Variants in FBXO7 observed in about 807,000 individuals in gnomAD.
FBXO7 encodes the protein F-box only protein 7.
FBXO7 carries 31 observed loss-of-function variants against 50.2 expected under a neutral mutation model. That is an observed-to-expected ratio of 0.62 (90% CI 0.46 to 0.83). The LOEUF (loss-of-function observed/expected upper bound fraction) is 0.83, where lower values mean the gene tolerates loss of function less well. Ranked by LOEUF, FBXO7 falls within the 40% of genes least tolerant of loss-of-function variation. The pLI, the probability that FBXO7 is intolerant of heterozygous loss-of-function variation, is 0.00. For synonymous variants in FBXO7, 256 were observed against 253.1 expected (o/e 1.01, Z -0.11); for missense variants, 667 against 646.6 (o/e 1.03, Z -0.34).
rs201039285 is a variant in FBXO7, at chr22:32,479,170, C to T, written c.312C>T (p.Pro104=). 1 of 1,614,082 alleles carries T rather than the reference C, an allele frequency of 6.2e-7. No homozygotes were observed. Among genetic ancestry groups the T allele is most frequent in the African/African-American group, 1.3e-5 (1 of 74,992 alleles). The change falls in exon 2 of 9, where the codon CCC becomes CCT. Residue 104 remains proline, a synonymous_variant. Transcript: ENST00000266087. ...EHSSLQNNEQ[P]SLATSSNQTS... is the part of the protein sequence containing the mutation. Reference sequence around the variant, plus strand: ...CTTCACTCCAGAATAATGAGCAACCCTCTTTGGCCACCAGCTCCAATCAGA... The same window carrying T: ...CTTCACTCCAGAATAATGAGCAACCTTCTTTGGCCACCAGCTCCAATCAGA...
rs575579221 is a variant in FBXO7, at chr22:32,485,038, T to C, written c.646-30T>C. On this transcript the variant is annotated intron_variant, in intron 3 of 8. Transcript: ENST00000266087. ...TTTTGAGAGTAACACCTTTCTTCAT[T>C]ATTTGTTTCCCTTTCATTTCGTTCC... 6.8e-6 allele frequency: 11 copies of C among 1,613,918 alleles called. No individual in the cohort carries two copies. The East Asian group carries it at 1.8e-4, about 26-fold the overall frequency.
At chr22:32,484,272 A>G (rs2057484470) in intron 3 of FBXO7, 148 bp downstream of exon 3, 4 of 719,006 alleles carry the variant, frequency 5.6e-6, no homozygotes, top group African/African-American at 3.5e-5. Flanking sequence ...TGGGAGAAAC[A>G]TACTCATATA....
At chr22:32,482,641 T>C (rs1282559802) in intron 2 of FBXO7, among the ~76,000 whole-genome samples, 1 of 152,164 alleles carries the variant, frequency 6.6e-6, no homozygotes, top group Non-Finnish European at 1.5e-5. Flanking sequence ...AATTATAGGA[T>C]CTATAAAAAG....
In FBXO7 at chr22:32,493,097, C is replaced by A; in HGVS notation, c.968-8C>A. The A allele has an allele frequency of 1.2e-6, 2 of 1,612,598 alleles. No homozygotes were observed. Among genetic ancestry groups the A allele is most frequent in the Non-Finnish European group, 1.7e-6 (2 of 1,179,292 alleles). On this transcript the variant is annotated splice_polypyrimidine_tract_variant and splice_region_variant and intron_variant, in intron 6 of 8. Coordinates refer to ENST00000266087, the MANE Select transcript of FBXO7 (RefSeq NM_012179.4). Reference sequence around the variant, plus strand: ...TAATACCTGTTACTTCTCTTTTTTTCCTTTTAGCACTGAACCTACCAGATG... The same window carrying A: ...TAATACCTGTTACTTCTCTTTTTTTACTTTTAGCACTGAACCTACCAGATG...
intron 4 of FBXO7, among the ~76,000 whole-genome samples, chr22:32,486,039 T>C (rs1309969136): frequency 1.3e-5 from 2 of 152,202 alleles, no homozygotes; most frequent in Non-Finnish European, 2.9e-5. Context: ...CTTTTTCGTT[T>C]AGCAAAGGCA....
Position 32,475,051 on chromosome 22 carries a change from C to G in FBXO7, c.49C>G (p.Pro17Ala), listed in dbSNP as rs886057420. 5.2e-6 allele frequency: 8 copies of G among 1,544,820 alleles called. 1 individual carries two copies. Among genetic ancestry groups the G allele is most frequent in the Non-Finnish European group, 3.5e-6 (4 of 1,146,026 alleles). ...GAAGCGGACCTGGCCGCTGGAGGTG[C>G]CCGAGACGGAGCCGACGCTGGGGCA... ...LLKRTWPLEV[P>A]ETEPTLGHLR... is the part of the protein sequence containing the mutation. Residue 17 changes from proline to alanine, a missense_variant, in exon 1 of 9, where the codon CCC (proline) becomes GCC (alanine). Coordinates refer to ENST00000266087, the MANE Select transcript of FBXO7 (RefSeq NM_012179.4).
In FBXO7 at chr22:32,493,226, T is replaced by C. The variant is rs1250777790; in HGVS notation, c.1089T>C (p.Phe363=). ...LSLSAVCRDL[F]TASNDPLLWR... ...TGTCTGCGGTTTGTCGTGACCTCTT[T>C]ACTGCTTCAAATGACCCACTCCTGT... is the stretch of plus-strand genomic sequence containing the variant. The change falls in exon 7 of 9, where the codon TTT becomes TTC. Residue 363 remains phenylalanine, a synonymous_variant. Transcript: ENST00000266087. 1.2e-5 allele frequency: 20 copies of C among 1,614,100 alleles called. No individual in the cohort carries two copies. The East Asian group carries it at 4.2e-4, about 34-fold the overall frequency.
chr22:32,498,663 T>A lies in FBXO7; in HGVS notation c.*133T>A. Reference sequence around the variant, plus strand: ...GAGAGTTGCACTCCCAGAAACCTTTTAAGAGATACATTTATAGCCCTAGGG... The same window carrying A: ...GAGAGTTGCACTCCCAGAAACCTTTAAAGAGATACATTTATAGCCCTAGGG... On this transcript the variant is annotated 3_prime_UTR_variant, in exon 9 of 9. Transcript: ENST00000266087. 9.2e-7 allele frequency: 1 copy of A among 1,092,152 alleles called. No homozygotes were observed. Among genetic ancestry groups the A allele is most frequent in the Non-Finnish European group, 1.3e-6 (1 of 747,898 alleles). 67.7% of individuals were successfully genotyped at this position (1,092,152 alleles called of 1,614,324 possible).
rs368665145 is a variant in FBXO7 at position 32,484,069 on chromosome 22, A to G, written c.590A>G (p.Asp197Gly). ...YQSADCSDAN[D>G]ALIVLIHLLM... is the part of the protein sequence containing the mutation. ...TCAGCTGACTGTTCTGATGCCAATG[A>G]TGCCTTGATAGTGTTGATACATCTT... The change falls in exon 3 of 9, where the codon GAT becomes GGT. Residue 197 changes from aspartate to glycine, a missense_variant. Coordinates refer to ENST00000266087, the MANE Select transcript of FBXO7 (RefSeq NM_012179.4). 3.1e-6 allele frequency: 5 copies of G among 1,614,056 alleles called. No homozygotes were observed. The African/African-American group carries it at 5.3e-5, about 17-fold the overall frequency.
rs542358032 is a variant in FBXO7 at position 32,494,727 on chromosome 22, C to T, written c.1145-766C>T. On this transcript the variant is annotated intron_variant, in intron 7 of 8. Coordinates refer to ENST00000266087, the MANE Select transcript of FBXO7 (RefSeq NM_012179.4). ...TGTATATTCAAGTTTAGGATTAAAG[C>T]ACAATTATTCTTTAATTTTTAGATT... 2.0e-5 allele frequency among the ~76,000 whole-genome samples: 3 copies of T among 151,870 alleles called. No individual in the cohort carries two copies. In the South Asian group the frequency reaches 6.2e-4, roughly 32 times the overall value.
Position 32,474,955 on chromosome 22 carries a change from CCCGTCG to C in FBXO7, c.-44_-39del, listed in dbSNP as rs2057416032. The C allele has an allele frequency of 6.6e-7, 1 of 1,506,018 alleles. No homozygotes were observed. The highest frequency in any genetic ancestry group is 8.8e-7 in the Non-Finnish European group (1 of 1,131,750). 93.3% of individuals were successfully genotyped at this position (1,506,018 alleles called of 1,614,324 possible). A position where few individuals can be genotyped will look rare whatever the true frequency, so the allele number is the denominator to read the frequency against. On this transcript the variant is annotated 5_prime_UTR_variant, in exon 1 of 9. Coordinates refer to ENST00000266087, the MANE Select transcript of FBXO7 (RefSeq NM_012179.4). ...GGAGCTGCTCGGCCCCGCCGCCGTC[CCCGTCG>C]CCGCTTCCGGGTCCAGGCCCCTCGG...
intron 7 of FBXO7, among the ~76,000 whole-genome samples, chr22:32,494,553 G>A (rs954789807): frequency 1.3e-4 from 19 of 151,904 alleles, no homozygotes; most frequent in African/African-American, 4.6e-4. Flanking sequence ...ACAAAGTCTT[G>A]CAGTGTTGCT....
At position 32,492,258 on chromosome 22, in the gene FBXO7, A is replaced by G. The variant is rs55904071; in HGVS notation, c.968-847A>G. 8.9e-3 allele frequency: 1,357 copies of G among 152,330 alleles called. 9 individuals are homozygous for G. Among genetic ancestry groups the G allele is most frequent in the Middle Eastern group, 0.024 (7 of 294 alleles). 9.4% of individuals were successfully genotyped at this position (152,330 alleles called of 1,614,324 possible). ...AATAAGTAAAACGTTTTTGGTGTCA[A>G]GTTGAATGGTGGCATGTCTATTATT... On this transcript the variant is annotated intron_variant, in intron 6 of 8. Coordinates refer to ENST00000266087, the MANE Select transcript of FBXO7 (RefSeq NM_012179.4).
intron 7 of FBXO7, among the ~76,000 whole-genome samples, chr22:32,495,253 C>G (rs187702395): frequency 6.6e-6 from 1 of 152,214 alleles, no homozygotes; most frequent in Non-Finnish European, 1.5e-5. Flanking sequence ...AGGAATCACA[C>G]TGCATTGAAT....
chr22:32,475,248 G>C, intron 1 of FBXO7, 124 bp downstream of exon 1: 1 of 1,540,610 alleles, frequency 6.5e-7, no homozygotes, highest in Non-Finnish European at 8.7e-7. Flanking sequence ...GCCAAGTGCG[G>C]GGACGCCGGG....
chr22:32,487,609 T>C (rs1403449907), intron 4 of FBXO7, 136 bp from the exon 5 acceptor site: 20 of 643,174 alleles, frequency 3.1e-5, no homozygotes, highest in Non-Finnish European at 5.1e-5. Context: ...GAGAAAGAAA[T>C]AGGCGAAGAA....
chr22:32,486,194 T>G (rs1455390375), intron 4 of FBXO7, among the ~76,000 whole-genome samples: 1 of 151,874 alleles, frequency 6.6e-6, no homozygotes, highest in African/African-American at 2.4e-5. Context: ...TCTGTTTCAT[T>G]TATTGAAGTT....
intron 5 of FBXO7, chr22:32,488,114 A>C (rs190540329): frequency 1.8e-5 from 6 of 331,710 alleles, no homozygotes; most frequent in Admixed American, 1.4e-4. Context: ...ATGATAGTTC[A>C]TAGTTTCTGT....
At position 32,483,902 on chromosome 22, in the gene FBXO7, G is replaced by A; in HGVS notation, c.423G>A (p.Gly141=). The A allele has an allele frequency of 6.2e-7, 1 of 1,613,800 alleles. No individual in the cohort carries two copies. The highest frequency in any genetic ancestry group is 8.5e-7 in the Non-Finnish European group (1 of 1,179,770). ...GTTTTGTTTTCCTTTTTCAGTTAGG[G>A]CCTAGTCAAAATTTTGAAGCTGAGT... ...SGVWNDDSML[G]PSQNFEAESI... The change falls in exon 3 of 9, where the codon GGG becomes GGA. Residue 141 remains glycine (G), a synonymous_variant. Transcript: ENST00000266087.
Sources: gnomAD v4.1 joint callset for allele counts (sites outside exome capture counted in the v4.1 genomes callset) on GRCh38, gnomAD v4.1.1 for gene constraint, MANE v1.5 for transcripts, NCBI Gene and HGNC (gene_info 2026-07-23, HGNC 2026-07-21) for gene names.